Variants in PLCL2 observed in about 807,000 individuals in gnomAD.
PLCL2 encodes the protein phospholipase C like 2.
Under a neutral mutation model 79.6 loss-of-function variants are expected in PLCL2, and 4 were observed. The observed-to-expected ratio is 0.05, with a 90% CI of 0.02 to 0.11. PLCL2 has a LOEUF of 0.11. PLCL2 is among the 10% of genes least tolerant of loss of function. The pLI is 1.00. For synonymous variants in PLCL2, 484 were observed against 457.7 expected (o/e 1.06, Z -0.73); for missense variants, 895 against 1,291.0 (o/e 0.69, Z 4.70).
At chr3:16,956,104 G>T (rs1332720264) in intron 1 of PLCL2, among the ~76,000 whole-genome samples, 2 of 152,082 alleles carry the variant, frequency 1.3e-5, no homozygotes, top group African/African-American at 4.8e-5. Flanking sequence ...CCTGTCTTGT[G>T]CCAGTTTTCA....
Position 17,079,239 on chromosome 3 carries a change from C to T in PLCL2, c.3205-10494C>T, listed in dbSNP as rs542847095. 1.3e-5 allele frequency among the ~76,000 whole-genome samples: 2 copies of T among 152,282 alleles called. 1 individual carries two copies. Among genetic ancestry groups the T allele is most frequent in the South Asian group, 4.2e-4 (2 of 4,818 alleles). Reference sequence around the variant, plus strand: ...CTCTACACAGCTGGGCCACCCTCCCCTCCCCTCTGGCCCTGGTCCCTGCCT... The same window carrying T: ...CTCTACACAGCTGGGCCACCCTCCCTTCCCCTCTGGCCCTGGTCCCTGCCT... On this transcript the variant is annotated intron_variant, in intron 5 of 5. Transcript: ENST00000615277.
chr3:16,906,719 G>A (rs1696760585), intron 1 of PLCL2, among the ~76,000 whole-genome samples: 1 of 152,128 alleles, frequency 6.6e-6, no homozygotes, highest in Non-Finnish European at 1.5e-5. Flanking sequence ...TTAGTTTTAT[G>A]TAATAACTTG....
At chr3:16,967,166 G>C (rs956490140) in intron 1 of PLCL2, among the ~76,000 whole-genome samples, 1 of 151,964 alleles carries the variant, frequency 6.6e-6, no homozygotes. Context: ...CCATTCTACT[G>C]TTGATGGGTA....
At position 16,903,178 on chromosome 3, in the gene PLCL2, G is replaced by A. The variant is rs1158304917; in HGVS notation, c.327+17812G>A. 2.0e-5 allele frequency among the ~76,000 whole-genome samples: 3 copies of A among 152,150 alleles called. 1 individual carries two copies. Among genetic ancestry groups the A allele is most frequent in the Non-Finnish European group, 4.4e-5 (3 of 68,024 alleles). Reference sequence around the variant, plus strand: ...TTTCTTTTAAGGTTTAATTTCAACTGTGATCATCTTTAGACTGGGATATCA... The same window carrying A: ...TTTCTTTTAAGGTTTAATTTCAACTATGATCATCTTTAGACTGGGATATCA... On this transcript the variant is annotated intron_variant, in intron 1 of 5. Coordinates refer to ENST00000615277, the MANE Select transcript of PLCL2 (RefSeq NM_001144382.2).
chr3:17,023,461 G>A (rs2064478378), intron 3 of PLCL2, among the ~76,000 whole-genome samples: 1 of 152,106 alleles, frequency 6.6e-6, no homozygotes, highest in African/African-American at 2.4e-5. Context: ...TCTTTCCTGT[G>A]CTATTCTTGT....
intron 1 of PLCL2, among the ~76,000 whole-genome samples, chr3:16,914,725 A>C (rs899029692): frequency 6.6e-6 from 1 of 151,798 alleles, no homozygotes; most frequent in Non-Finnish European, 1.5e-5. Context: ...ATATTTCTTT[A>C]TTTATTTTAT....
At chr3:16,988,104 A>G (rs117914943) in intron 1 of PLCL2, among the ~76,000 whole-genome samples, 1,748 of 152,274 alleles carry the variant, frequency 0.011, 33 homozygotes, top group Admixed American at 0.046. Context: ...TTGTAGTCCA[A>G]TGAAGATTTT....
chr3:17,021,865 A>G (rs901722970), intron 3 of PLCL2, among the ~76,000 whole-genome samples: 1 of 152,228 alleles, frequency 6.6e-6, no homozygotes, highest in African/African-American at 2.4e-5. Flanking sequence ...GTCATCTGAC[A>G]TACTAACAGT....
intron 1 of PLCL2, among the ~76,000 whole-genome samples, chr3:16,901,061 A>G (rs1041633308): frequency 1.3e-5 from 2 of 152,192 alleles, no homozygotes; most frequent in African/African-American, 2.4e-5. Context: ...TTGCTGGCCC[A>G]CTGTTACTTA....
chr3:16,985,345 C>T lies in PLCL2; in HGVS notation c.328-24329C>T, dbSNP rs575199960. Among the ~76,000 whole-genome samples the T allele has an allele frequency of 1.2e-4, 18 of 152,146 alleles. No homozygotes were observed. In the South Asian group the frequency reaches 2.1e-3, roughly 18 times the overall value. ...TACTTCCATAGTACGTGGCCCACAA[C>T]GCTTAATCATTTTTTATTGAATTGA... On this transcript the variant is annotated intron_variant, in intron 1 of 5. Transcript: ENST00000615277.
intron 5 of PLCL2, among the ~76,000 whole-genome samples, chr3:17,082,101 T>C (rs1453109815): frequency 2.0e-5 from 3 of 150,972 alleles, no homozygotes; most frequent in African/African-American, 7.3e-5. Context: ...CAATGAAATA[T>C]GAACACTGCT....
At chr3:16,949,326 A>G (rs555080729) in intron 1 of PLCL2, among the ~76,000 whole-genome samples, 49 of 152,272 alleles carry the variant, frequency 3.2e-4, no homozygotes, top group Admixed American at 1.2e-3. Flanking sequence ...AATGTTTGAT[A>G]TTGTCAAACT....
chr3:17,035,131 T>A (rs933052547), intron 3 of PLCL2, among the ~76,000 whole-genome samples: 2 of 152,174 alleles, frequency 1.3e-5, no homozygotes, highest in Non-Finnish European at 2.9e-5. Context: ...AATTTTCAAT[T>A]ATCCAGTGCC....
intron 5 of PLCL2, among the ~76,000 whole-genome samples, chr3:17,075,366 T>C (rs2065098955): frequency 6.6e-6 from 1 of 152,004 alleles, no homozygotes; most frequent in Non-Finnish European, 1.5e-5. Flanking sequence ...CCAAAATAAT[T>C]AGTAACATCA....
At chr3:17,031,390 C>G (rs983431858) in intron 3 of PLCL2, among the ~76,000 whole-genome samples, 1 of 152,172 alleles carries the variant, frequency 6.6e-6, no homozygotes, top group African/African-American at 2.4e-5. Flanking sequence ...TTCTAAGTTG[C>G]TAAATCCCTT....
At chr3:16,969,691 A>T (rs1388802589) in intron 1 of PLCL2, among the ~76,000 whole-genome samples, 1 of 152,052 alleles carries the variant, frequency 6.6e-6, no homozygotes, top group Non-Finnish European at 1.5e-5. Context: ...ACAAATAACC[A>T]ACTCCTGGAT....
At chr3:16,904,030 A>G (rs1559481516) in intron 1 of PLCL2, among the ~76,000 whole-genome samples, 2 of 152,320 alleles carry the variant, frequency 1.3e-5, no homozygotes, top group East Asian at 3.9e-4. Context: ...GGCAATGGAT[A>G]TCTTTGAACT....
At chr3:17,068,091 T>G (rs2065027357) in intron 5 of PLCL2, 26 bp downstream of exon 5, 1 of 1,303,354 alleles carries the variant, frequency 7.7e-7, no homozygotes, top group Non-Finnish European at 1.1e-6. Flanking sequence ...TTTCTGATGC[T>G]GGTGATTTTG....
chr3:16,999,147 CA>C (rs1247957546), intron 1 of PLCL2, among the ~76,000 whole-genome samples: 1 of 152,056 alleles, frequency 6.6e-6, no homozygotes, highest in Non-Finnish European at 1.5e-5. Flanking sequence ...AAAATTAACA[CA>C]AGACTTTGAG....
Sources: gnomAD v4.1 joint callset for allele counts (sites outside exome capture counted in the v4.1 genomes callset) on GRCh38, gnomAD v4.1.1 for gene constraint, MANE v1.5 for transcripts, NCBI Gene and HGNC (gene_info 2026-07-23, HGNC 2026-07-21) for gene names.